Variants in BSN observed in about 807,000 individuals in gnomAD.
BSN encodes the protein protein bassoon.
BSN carries 57 observed loss-of-function variants against 264.8 expected under a neutral mutation model. The observed-to-expected ratio is 0.22, with a 90% CI of 0.17 to 0.27. The LOEUF (loss-of-function observed/expected upper bound fraction) is 0.27, where lower values mean the gene tolerates loss of function less well. Ranked by LOEUF, BSN falls within the 10% of genes least tolerant of loss-of-function variation. The pLI, the probability that BSN is intolerant of heterozygous loss-of-function variation, is 1.00. For synonymous variants in BSN, 2,059 were observed against 2,137.3 expected (o/e 0.96, Z 1.01); for missense variants, 4,615 against 5,232.5 (o/e 0.88, Z 3.64).
Position 49,661,543 on chromosome 3 carries a change from T to C in BSN, c.9698T>C (p.Met3233Thr). 3.1e-6 allele frequency: 5 copies of C among 1,614,048 alleles called. No homozygotes were observed. The highest frequency in any genetic ancestry group is 4.2e-6 in the Non-Finnish European group (5 of 1,180,028). The change falls in exon 6 of 12, where the codon ATG (methionine) becomes ACG (threonine). Residue 3233 changes from methionine to threonine, a missense_variant. Coordinates refer to ENST00000296452, the MANE Select transcript of BSN (RefSeq NM_003458.4). Reference sequence around the variant, plus strand: ...CAGAACGTTCCTCGAAACTACGTAATGATTGATGACATCAGTGAACTGACC... The same window carrying C: ...CAGAACGTTCCTCGAAACTACGTAACGATTGATGACATCAGTGAACTGACC... ...LEQNVPRNYV[M>T]IDDISELTKD...
intron 1 of BSN, among the ~76,000 whole-genome samples, chr3:49,617,902 A>C (rs541365044): frequency 3.9e-5 from 6 of 152,148 alleles, no homozygotes; most frequent in African/African-American, 1.4e-4. Context: ...TGTGGCACTC[A>C]TAGGTGTAGC....
At position 49,655,810 on chromosome 3, in the gene BSN, C is replaced by A; in HGVS notation, c.6254C>A (p.Ala2085Asp). 1.2e-6 allele frequency: 2 copies of A among 1,613,380 alleles called. No homozygotes were observed. Among genetic ancestry groups the A allele is most frequent in the South Asian group, 2.2e-5 (2 of 91,088 alleles). The change falls in exon 5 of 12, where the codon GCC (alanine) becomes GAC (aspartate). Residue 2085 changes from alanine (A) to aspartate (D), a missense_variant. By Grantham distance (126) the Ala-to-Asp change is moderately radical (BLOSUM62 -2). Around this residue, in one of 3 missense-constraint regions of BSN, gnomAD observed 3,415 missense variants for 3,866.4 expected, o/e 0.88. Transcript: ENST00000296452. ...GGAGATGCAGTTGGCTTCCAGGAGG[C>A]CAGCCTGGCCCAGTACAGTGCCACC... ...PRGDAVGFQE[A>D]SLAQYSATTA...
At chr3:49,615,927 T>C (rs1277714325) in intron 1 of BSN, among the ~76,000 whole-genome samples, 1 of 152,188 alleles carries the variant, frequency 6.6e-6, no homozygotes, top group Non-Finnish European at 1.5e-5. Context: ...CTAGGACACA[T>C]ATGCCAAGGG....
At chr3:49,610,560 G>C (rs945021409) in intron 1 of BSN, among the ~76,000 whole-genome samples, 2 of 101,664 alleles carry the variant, frequency 2.0e-5, no homozygotes, top group African/African-American at 7.4e-5. Flanking sequence ...CTCCAGCCTG[G>C]GCAACAAGAG....
At chr3:49,612,415 G>A (rs937464022) in intron 1 of BSN, among the ~76,000 whole-genome samples, 16 of 152,212 alleles carry the variant, frequency 1.1e-4, no homozygotes, top group Non-Finnish European at 1.8e-4. Context: ...GATTAAAGGC[G>A]TGAGCCACCA....
intron 1 of BSN, among the ~76,000 whole-genome samples, chr3:49,563,815 A>G (rs1017599749): frequency 6.6e-6 from 1 of 152,200 alleles, no homozygotes; most frequent in African/African-American, 2.4e-5. Context: ...TGAACACCCA[A>G]GATCAGTGGC....
In BSN at chr3:49,642,499, G is replaced by A. The variant is rs760872406; in HGVS notation, c.865G>A (p.Gly289Arg). ...AETARATSVPGPAQAAAPPEV... is the reference protein window; with the variant it reads ...AETARATSVPRPAQAAAPPEV... Reference sequence around the variant, plus strand: ...GACAGCCAGGGCCACCTCAGTGCCGGGGCCTGCCCAAGCAGCTGCCCCTCC... The same window carrying A: ...GACAGCCAGGGCCACCTCAGTGCCGAGGCCTGCCCAAGCAGCTGCCCCTCC... The change falls in exon 3 of 12, where the codon GGG becomes AGG. Residue 289 changes from glycine (G) to arginine (R), a missense_variant. Physicochemically the swap from Gly to Arg is moderately radical, Grantham distance 125. Around this residue, in one of 3 missense-constraint regions of BSN, gnomAD observed 1,197 missense variants for 1,348.0 expected, o/e 0.89. Coordinates refer to ENST00000296452, the MANE Select transcript of BSN (RefSeq NM_003458.4). This position sits in a 1 kb window ranked among gnomAD's most constrained non-coding sequence, Gnocchi z 7.0. The A allele has an allele frequency of 5.1e-6, 8 of 1,568,444 alleles. No homozygotes were observed. Among genetic ancestry groups the A allele is most frequent in the Admixed American group, 1.9e-5 (1 of 53,310 alleles).
chr3:49,660,659 C>T lies in BSN; in HGVS notation c.8814C>T (p.Ala2938=). The part of the protein sequence containing the change: ...TGPTTVPATK[A]SLLRELDRDL... Reference sequence around the variant, plus strand: ...CCACCACTGTCCCTGCTACCAAGGCCAGCCTGCTCCGGGAGCTGGACCGGG... The same window carrying T: ...CCACCACTGTCCCTGCTACCAAGGCTAGCCTGCTCCGGGAGCTGGACCGGG... Residue 2938 remains alanine, a synonymous_variant, in exon 6 of 12, where the codon GCC becomes GCT. Coordinates refer to ENST00000296452, the MANE Select transcript of BSN (RefSeq NM_003458.4). This position sits in a 1 kb window ranked among gnomAD's most constrained non-coding sequence, Gnocchi z 7.1. 1.2e-6 allele frequency: 2 copies of T among 1,613,274 alleles called. No individual in the cohort carries two copies. Among genetic ancestry groups the T allele is most frequent in the African/African-American group, 1.3e-5 (1 of 75,074 alleles).
chr3:49,606,604 A>C (rs575344466), intron 1 of BSN, among the ~76,000 whole-genome samples: 1 of 152,022 alleles, frequency 6.6e-6, no homozygotes, highest in Admixed American at 6.6e-5. Flanking sequence ...TGAAGCTCCC[A>C]GTGAGGACCT....
chr3:49,637,246 G>A (rs866307856), intron 2 of BSN, among the ~76,000 whole-genome samples: 2 of 152,208 alleles, frequency 1.3e-5, no homozygotes, highest in South Asian at 4.1e-4. Flanking sequence ...TTGCTGCTGG[G>A]GGGGTGAGAG....
Position 49,652,192 on chromosome 3 carries a change from C to G in BSN, c.2636C>G (p.Pro879Arg). The G allele has an allele frequency of 6.2e-7, 1 of 1,613,826 alleles. No homozygotes were observed. Among genetic ancestry groups the G allele is most frequent in the East Asian group, 2.2e-5 (1 of 44,882 alleles). ...LAKHGTQKGGPRPRPEPSQEP... is the reference protein window; with the variant it reads ...LAKHGTQKGGRRPRPEPSQEP... ...AAACATGGCACCCAGAAAGGTGGCC[C>G]CAGACCCAGGCCTGAGCCTAGCCAA... The change falls in exon 5 of 12, where the codon CCC becomes CGC. Residue 879 changes from proline (P) to arginine (R), a missense_variant. Coordinates refer to ENST00000296452, the MANE Select transcript of BSN (RefSeq NM_003458.4).
chr3:49,657,126 G>A lies in BSN; in HGVS notation c.7570G>A (p.Glu2524Lys), dbSNP rs2052611532. The change falls in exon 5 of 12, where the codon GAG becomes AAG. Residue 2524 changes from glutamate (E) to lysine (K), a missense_variant. Coordinates refer to ENST00000296452, the MANE Select transcript of BSN (RefSeq NM_003458.4). ...AGPEGLGQPREPVLHRGLPSS... is the reference protein window; with the variant it reads ...AGPEGLGQPRKPVLHRGLPSS... The stretch of plus-strand genomic sequence containing the variant: ...GCCTGAAGGACTTGGGCAGCCTCGT[G>A]AGCCTGTGCTGCACCGGGGTCTCCC... 6.2e-7 allele frequency: 1 copy of A among 1,612,868 alleles called. No individual in the cohort carries two copies. Among genetic ancestry groups the A allele is most frequent in the African/African-American group, 1.3e-5 (1 of 75,064 alleles).
intron 1 of BSN, among the ~76,000 whole-genome samples, chr3:49,604,727 A>G (rs765689693): frequency 6.6e-5 from 10 of 152,062 alleles, no homozygotes; most frequent in Admixed American, 1.3e-4. Flanking sequence ...TGAGCACTGG[A>G]CAAGATGCTG....
At position 49,625,850 on chromosome 3, in the gene BSN, G is replaced by A. The variant is rs1227723001; in HGVS notation, c.633+467G>A. On this transcript the variant is annotated intron_variant, in intron 2 of 11. Transcript: ENST00000296452. The surrounding 1 kb of genome is among the most constrained non-coding windows in gnomAD (Gnocchi z 4.4). ...TGGTGAGGGGAGAAAAGTTTCAGGG[G>A]AGGCAGGAAACTGCCTTCCAGCTGG... 6.6e-6 allele frequency among the ~76,000 whole-genome samples: 1 copy of A among 152,240 alleles called. No individual in the cohort carries two copies. Among genetic ancestry groups the A allele is most frequent in the Non-Finnish European group, 1.5e-5 (1 of 68,048 alleles).
chr3:49,672,025 CTTTTT>C (rs34710169), downstream of BSN, among the ~76,000 whole-genome samples: 1 of 100,412 alleles, frequency 1.0e-5, no homozygotes, highest in African/African-American at 3.7e-5. Context: ...GTTGCTAGAC[CTTTTT>C]TTTTTTTTTT....
Position 49,663,231 on chromosome 3 carries a change from G to A in BSN, c.11073G>A (p.Met3691Ile). Residue 3691 changes from methionine to isoleucine, a missense_variant, in exon 7 of 12, where the codon ATG becomes ATA. Around this residue, in one of 3 missense-constraint regions of BSN, gnomAD observed 3,415 missense variants for 3,866.4 expected, o/e 0.88. Coordinates refer to ENST00000296452, the MANE Select transcript of BSN (RefSeq NM_003458.4). ...CTCAGCCCAGCTCTGCTCCAGCTAT[G>A]CCGAAGAAGGGTCAGCCTGGGTATC... ...PHSQPSSAPA[M>I]PKKGQPGYPS... 1.9e-6 allele frequency: 3 copies of A among 1,614,110 alleles called. No individual in the cohort carries two copies. Among genetic ancestry groups the A allele is most frequent in the Middle Eastern group, 1.6e-4 (1 of 6,062 alleles).
chr3:49,612,659 G>A (rs1276126630), intron 1 of BSN, among the ~76,000 whole-genome samples: 1 of 152,186 alleles, frequency 6.6e-6, no homozygotes, highest in Non-Finnish European at 1.5e-5. Context: ...GGGTGTGGCA[G>A]GTGAGGGGAA....
rs376633533 is a variant in BSN, at chr3:49,642,981, G to A, written c.1347G>A (p.Ser449=). 1.2e-5 allele frequency: 20 copies of A among 1,613,872 alleles called. No homozygotes were observed. Among genetic ancestry groups the A allele is most frequent in the Admixed American group, 1.7e-5 (1 of 60,008 alleles). Residue 449 remains serine (S), a synonymous_variant, in exon 3 of 12, where the codon TCG becomes TCA. Transcript: ENST00000296452. The surrounding 1 kb of genome is among the most constrained non-coding windows in gnomAD (Gnocchi z 7.0). ...KHGRAEHQAA[S]KAAAKPKTMP... ...GCAGAGCAGAACATCAGGCAGCATC[G>A]AAGGCTGCTGCCAAGCCAAAGACCA...
chr3:49,655,184 C>T lies in BSN; in HGVS notation c.5628C>T (p.Thr1876=), dbSNP rs750145190. 1.2e-6 allele frequency: 2 copies of T among 1,612,772 alleles called. No homozygotes were observed. The highest frequency in any genetic ancestry group is 1.7e-6 in the Non-Finnish European group (2 of 1,179,896). Residue 1876 remains threonine, a synonymous_variant, in exon 5 of 12, where the codon ACC becomes ACT. Transcript: ENST00000296452. ...GAGAGGGCACAGCAGGCACTGTGAC[C>T]ACACTGCTCCCAGAGGAGCCTGCGG... ...QMGEGTAGTV[T]TLLPEEPAGA...
Sources: allele counts gnomAD v4.1 joint callset (sites outside exome capture counted in the v4.1 genomes callset), GRCh38; gene constraint gnomAD v4.1.1; regional missense constraint gnomAD v4.1.1; non-coding constraint Gnocchi (gnomAD v3.1); transcripts MANE v1.5; gene names NCBI Gene and HGNC (gene_info 2026-07-23, HGNC 2026-07-21).